USP25: variants seen among roughly 807,000 people sequenced by gnomAD.
USP25 encodes the protein ubiquitin specific peptidase 25, also known as ubiquitin carboxyl-terminal hydrolase 25.
USP25 carries 85 observed loss-of-function variants against 158.5 expected under a neutral mutation model. The observed-to-expected ratio is 0.54, with a 90% confidence interval of 0.45 to 0.64. The LOEUF is 0.64. Among genes scored for constraint, USP25 ranks in the 30% least tolerant of loss-of-function variants. The pLI, the probability that USP25 is intolerant of heterozygous loss-of-function variation, is 0.00. For synonymous variants in USP25, 464 were observed against 460.4 expected, an observed-to-expected ratio of 1.01 and a Z score of -0.10; for missense variants, 1,242 against 1,327.3, an observed-to-expected ratio of 0.94 and a Z score of 1.00.
At chr21:15,848,422 A>C (rs932836899) in intron 19 of USP25, among the ~76,000 whole-genome samples, 2 of 152,098 alleles carry the variant, frequency 1.3e-5, no homozygotes, top group Admixed American at 6.6e-5. Flanking sequence ...GTCTTATTCT[A>C]TCAGATGATT....
At chr21:15,824,832 T>G (rs1043694037) in intron 11 of USP25, 134 bp from the exon 12 acceptor site, 1 of 654,798 alleles carries the variant, frequency 1.5e-6, no homozygotes, top group Admixed American at 3.3e-5. Flanking sequence ...GCCAGGCTGG[T>G]CTTGAACTCC....
intron 4 of USP25, among the ~76,000 whole-genome samples, chr21:15,789,673 A>G (rs1202784227): frequency 6.6e-6 from 1 of 151,874 alleles, no homozygotes; most frequent in Non-Finnish European, 1.5e-5. Flanking sequence ...TATTTGTTTT[A>G]TGGTATCGTT....
chr21:15,859,306 C>T (rs1333224859), intron 20 of USP25, among the ~76,000 whole-genome samples: 1 of 151,812 alleles, frequency 6.6e-6, no homozygotes, highest in Non-Finnish European at 1.5e-5. Context: ...CATTCTCCTG[C>T]CTCAGCCTCC....
At chr21:15,867,063 C>T (rs1232412893) in intron 22 of USP25, among the ~76,000 whole-genome samples, 2 of 152,100 alleles carry the variant, frequency 1.3e-5, no homozygotes, top group Non-Finnish European at 2.9e-5. Context: ...TGTGAGAGAG[C>T]ACTTACATAG....
intron 12 of USP25, among the ~76,000 whole-genome samples, chr21:15,825,436 T>G (rs1206716110): frequency 6.6e-6 from 1 of 152,170 alleles, no homozygotes; most frequent in Non-Finnish European, 1.5e-5. Context: ...GCCTACCAAG[T>G]CTTCTCAGCA....
At chr21:15,824,942 C>T (rs1357907611) in intron 11 of USP25, 24 bp from the exon 12 acceptor site, 10 of 1,567,352 alleles carry the variant, frequency 6.4e-6, no homozygotes, top group Non-Finnish European at 8.8e-6. Context: ...TTCGGAAATG[C>T]TAATGATTAC....
At position 15,831,466 on chromosome 21, in the gene USP25, A is replaced by G; in HGVS notation, c.1830A>G (p.Ala610=). The G allele has an allele frequency of 6.2e-7, 1 of 1,613,900 alleles. No individual in the cohort carries two copies. The highest frequency in any genetic ancestry group is 8.5e-7 in the Non-Finnish European group (1 of 1,179,930). The part of the protein sequence containing the change: ...EGQANAGHYW[A]YIFDHRESRW... ...AAGCTAATGCTGGGCACTACTGGGC[A>G]TATATTTTTGATCATCGTGAAAGCA... Residue 610 remains alanine, a synonymous_variant, in exon 16 of 26, where the codon GCA becomes GCG. Coordinates refer to ENST00000400183, the MANE Select transcript of USP25 (RefSeq NM_001283041.3).
intron 15 of USP25, among the ~76,000 whole-genome samples, chr21:15,830,846 A>C (rs1290269866): frequency 4.6e-5 from 7 of 152,166 alleles, no homozygotes; most frequent in African/African-American, 1.7e-4. Context: ...GTATTTTCAC[A>C]CCGTATGTGT....
intron 3 of USP25, among the ~76,000 whole-genome samples, chr21:15,768,505 G>T (rs941763240): frequency 6.6e-6 from 1 of 152,058 alleles, no homozygotes; most frequent in Non-Finnish European, 1.5e-5. Flanking sequence ...TTAAGTGACT[G>T]TGCAGTTACT....
chr21:15,807,812 C>T (rs991679883), intron 7 of USP25, among the ~76,000 whole-genome samples: 4 of 152,284 alleles, frequency 2.6e-5, no homozygotes, highest in East Asian at 3.9e-4. Context: ...AATAGTGTCA[C>T]ATTTTGAGGA....
intron 24 of USP25, among the ~76,000 whole-genome samples, chr21:15,874,731 G>A (rs1432759713): frequency 6.6e-6 from 1 of 152,138 alleles, no homozygotes; most frequent in African/African-American, 2.4e-5. Context: ...TACTATAGGT[G>A]ATAAATGAGA....
chr21:15,773,635 T>C (rs1473808746), intron 3 of USP25, among the ~76,000 whole-genome samples: 1 of 152,180 alleles, frequency 6.6e-6, no homozygotes, highest in African/African-American at 2.4e-5. Context: ...ATAAAAAACA[T>C]GTCTAAGAAC....
At chr21:15,755,242 C>T (rs1241902201) in intron 1 of USP25, among the ~76,000 whole-genome samples, 1 of 152,002 alleles carries the variant, frequency 6.6e-6, no homozygotes, top group Non-Finnish European at 1.5e-5. Context: ...CACCTATCCC[C>T]AAGGATGGAA....
At chr21:15,865,417 T>C (rs536763894) in intron 21 of USP25, among the ~76,000 whole-genome samples, 2 of 152,290 alleles carry the variant, frequency 1.3e-5, no homozygotes, top group African/African-American at 4.8e-5. Flanking sequence ...TCCTACCTTA[T>C]TAGATATGTG....
intron 1 of USP25, among the ~76,000 whole-genome samples, chr21:15,731,324 T>G (rs2123123934): frequency 6.6e-6 from 1 of 152,248 alleles, no homozygotes; most frequent in East Asian, 1.9e-4. Flanking sequence ...TGAAAAGCAT[T>G]TTGGGCAAAA....
chr21:15,847,705 G>C lies in USP25; in HGVS notation c.2380G>C (p.Val794Leu), dbSNP rs1449418485. ...AAGCCAACCACTTTCTAATCAGCGA[G>C]TTGTAGAGGTGGCGATCCCTCATGT... is the stretch of plus-strand genomic sequence containing the variant. ...TTSQPLSNQR[V>L]VEVAIPHVGK... The change falls in exon 19 of 26, where the codon GTT (valine) becomes CTT (leucine). Residue 794 changes from valine to leucine, a missense_variant. By Grantham distance (32) the Val-to-Leu change is conservative. Coordinates refer to ENST00000400183, the MANE Select transcript of USP25 (RefSeq NM_001283041.3). 1.9e-6 allele frequency: 3 copies of C among 1,550,152 alleles called. No homozygotes were observed.
At chr21:15,752,685 C>CT (rs1020645167) in intron 1 of USP25, among the ~76,000 whole-genome samples, 9 of 152,118 alleles carry the variant, frequency 5.9e-5, no homozygotes, top group Non-Finnish European at 1.0e-4. Flanking sequence ...TATCTCATTT[C>CT]TTTTTTCTGG....
rs1227342935 is a variant in USP25 at position 15,763,056 on chromosome 21, G to A, written c.123+88G>A. 1.7e-5 allele frequency: 20 copies of A among 1,197,616 alleles called. No homozygotes were observed. The South Asian group carries it at 3.0e-4, about 18-fold the overall frequency. 74.2% of individuals were successfully genotyped at this position (1,197,616 alleles called of 1,614,324 possible). A position where few individuals can be genotyped will look rare whatever the true frequency, so the allele number is the denominator to read the frequency against. On this transcript the variant is annotated intron_variant, in intron 2 of 25. Transcript: ENST00000400183. ...TTTGATAGTTGATTTTTTTTTTGGG[G>A]TATACCATGTGGTAGTTTTAGAGAT...
At chr21:15,744,530 T>C (rs1485451280) in intron 1 of USP25, among the ~76,000 whole-genome samples, 1 of 151,844 alleles carries the variant, frequency 6.6e-6, no homozygotes, top group Non-Finnish European at 1.5e-5. Context: ...GCCAGGCTGG[T>C]CTTGAACTCC....
Sources: gnomAD v4.1 joint callset for allele counts (sites outside exome capture counted in the v4.1 genomes callset) on GRCh38, gnomAD v4.1.1 for gene constraint, MANE v1.5 for transcripts, NCBI Gene and HGNC (gene_info 2026-07-23, HGNC 2026-07-21) for gene names.